PKM: variants seen among roughly 807,000 people sequenced by gnomAD.
PKM encodes pyruvate kinase PKM.
A neutral mutation model predicts 49.8 loss-of-function variants in PKM; 18 were observed. The ratio of observed to expected loss-of-function variants is 0.36; its 90% CI spans 0.25 to 0.54. The LOEUF is 0.54. Ranked by LOEUF, PKM falls within the 20% of genes least tolerant of loss-of-function variation. The pLI, the probability that PKM is intolerant of heterozygous loss-of-function variation, is 0.89. For synonymous variants in PKM, 239 were observed against 261.8 expected (o/e 0.91, Z 0.84); for missense variants, 508 against 713.8 (o/e 0.71, Z 3.28).
rs8192428 is a variant in PKM at position 72,200,686 on chromosome 15, A to G, written c.1308-31T>C. ...ATGGGATGGGGGACATACAGAAGAG[A>G]CCATTACACGAGGCCCCAGGAAGTA... On this transcript the variant is annotated intron_variant, in intron 9 of 10. Coordinates refer to ENST00000335181, the MANE Select transcript of PKM (RefSeq NM_002654.6). This position sits in a 1 kb window ranked among gnomAD's most constrained non-coding sequence, Gnocchi z 4.6. 8.8e-6 allele frequency: 14 copies of G among 1,590,088 alleles called. No individual in the cohort carries two copies. In the African/African-American group the frequency reaches 1.6e-4, roughly 18 times the overall value.
At chr15:72,208,430 A>G (rs2082140650) in intron 6 of PKM, among the ~76,000 whole-genome samples, 191 bp downstream of exon 6, 1 of 151,596 alleles carries the variant, frequency 6.6e-6, no homozygotes, top group Non-Finnish European at 1.5e-5. Flanking sequence ...TTTTTTAAAA[A>G]AAACAAAAAA....
In PKM at chr15:72,200,604, C is replaced by T. The variant is rs1471822533; in HGVS notation, c.1359G>A (p.Val453=). ...RYRPRAPIIA[V]TRNPQTARQA... is the part of the protein sequence containing the mutation. ...GACGAGCTGTCTGGGGATTCCGGGTCACAGCAATGATGGGGGCACGTGGGC... is the reference window on the plus strand; with the variant it reads ...GACGAGCTGTCTGGGGATTCCGGGTTACAGCAATGATGGGGGCACGTGGGC... Residue 453 remains valine (V), a synonymous_variant, in exon 10 of 11, where the codon GTG becomes GTA. Coordinates refer to ENST00000335181, the MANE Select transcript of PKM (RefSeq NM_002654.6). The surrounding 1 kb of genome is among the most constrained non-coding windows in gnomAD (Gnocchi z 4.6). 6.2e-7 allele frequency: 1 copy of T among 1,613,938 alleles called. No individual in the cohort carries two copies. The highest frequency in any genetic ancestry group is 8.5e-7 in the Non-Finnish European group (1 of 1,179,906).
At chr15:72,205,120 ATGTT>A (rs1466901104) in intron 8 of PKM, among the ~76,000 whole-genome samples, 2 of 143,978 alleles carry the variant, frequency 1.4e-5, no homozygotes, top group African/African-American at 5.4e-5. Context: ...TTTTTTTTTT[ATGTT>A]TGTTTGGTTT....
At chr15:72,216,602 G>A (rs144076158) in intron 3 of PKM, among the ~76,000 whole-genome samples, 51 of 152,278 alleles carry the variant, frequency 3.3e-4, no homozygotes, top group African/African-American at 1.1e-3. Context: ...CAGCCTGGAT[G>A]ACAGAGCAAA....
At chr15:72,215,990 C>T (rs574744656) in intron 3 of PKM, among the ~76,000 whole-genome samples, 121 of 152,230 alleles carry the variant, frequency 7.9e-4, no homozygotes, top group African/African-American at 2.8e-3. Flanking sequence ...TGGTCAGGTC[C>T]CCATGACATT....
chr15:72,221,032 AAAT>A, intron 1 of PKM: 1 of 677,290 alleles, frequency 1.5e-6, no homozygotes, highest in Non-Finnish European at 2.7e-6. Flanking sequence ...ATTGTGAACA[AAAT>A]AAGATCTGAA....
In PKM at chr15:72,208,669, T is replaced by A. The variant is rs2082148951; in HGVS notation, c.788A>T (p.Lys263Met). The A allele has an allele frequency of 6.2e-7, 1 of 1,614,152 alleles. No individual in the cohort carries two copies. The highest frequency in any genetic ancestry group is 8.5e-7 in the Non-Finnish European group (1 of 1,180,010). The part of the protein sequence containing the change: ...EVRKVLGEKG[K>M]NIKIISKIEN... ...GATTTTGCTGATAATCTTGATGTTC[T>A]TTCCCTTCTCTCCCAGGACCTTCCT... is the stretch of plus-strand genomic sequence containing the variant. The change falls in exon 6 of 11, where the codon AAG becomes ATG. Residue 263 changes from lysine to methionine, a missense_variant. Transcript: ENST00000335181.
chr15:72,223,226 A>G (rs1184163721), intron 1 of PKM, among the ~76,000 whole-genome samples: 1 of 152,056 alleles, frequency 6.6e-6, no homozygotes, highest in Non-Finnish European at 1.5e-5. Flanking sequence ...TTGTGCTGGG[A>G]AAGATTCACG....
chr15:72,227,744 C>CAAAAAAAAAAAA (rs34876633), intron 1 of PKM, among the ~76,000 whole-genome samples: 3 of 10,806 alleles, frequency 2.8e-4, no homozygotes, highest in African/African-American at 5.9e-4. Context: ...AAAACTATCT[C>CAAAAAAAAAAAA]AAAAAAAAAA....
intron 3 of PKM, among the ~76,000 whole-genome samples, chr15:72,214,437 G>C (rs2082327647): frequency 6.6e-6 from 1 of 152,202 alleles, no homozygotes; most frequent in Non-Finnish European, 1.5e-5. Flanking sequence ...TTATTGGGAT[G>C]TTATGTGGTA....
chr15:72,199,524 C>G lies in PKM; in HGVS notation c.*126G>C, dbSNP rs2081879636. ...GTTTCAGTGAGGCGTTGATCTTCTT[C>G]CCTGGTGTCCCAACCTACCAGTGCC... is the stretch of plus-strand genomic sequence containing the variant. On this transcript the variant is annotated 3_prime_UTR_variant, in exon 11 of 11. Transcript: ENST00000335181. 1.4e-6 allele frequency: 1 copy of G among 735,968 alleles called. No homozygotes were observed. Among genetic ancestry groups the G allele is most frequent in the Non-Finnish European group, 2.5e-6 (1 of 402,436 alleles). 45.6% of individuals were successfully genotyped at this position (735,968 alleles called of 1,614,324 possible).
chr15:72,225,601 T>G (rs1013793928), intron 1 of PKM, among the ~76,000 whole-genome samples: 1 of 152,230 alleles, frequency 6.6e-6, no homozygotes, highest in African/African-American at 2.4e-5. Context: ...GTTTTCTTAA[T>G]GCCCTAAGTG....
At chr15:72,218,446 G>C (rs1214779898) in intron 2 of PKM, among the ~76,000 whole-genome samples, 1 of 151,736 alleles carries the variant, frequency 6.6e-6, no homozygotes, top group Non-Finnish European at 1.5e-5. Context: ...TCTTAAGACA[G>C]GATCTCGCTC....
intron 1 of PKM, among the ~76,000 whole-genome samples, chr15:72,224,033 C>T (rs2082596512): frequency 6.6e-6 from 1 of 152,124 alleles, no homozygotes; most frequent in Non-Finnish European, 1.5e-5. Context: ...GGAAGAGCAG[C>T]TGATGCTAAA....
intron 6 of PKM, 131 bp from the exon 7 acceptor site, chr15:72,207,408 C>A: frequency 1.2e-6 from 1 of 824,348 alleles, no homozygotes; most frequent in Non-Finnish European, 2.1e-6. Context: ...ATGATATCAT[C>A]ATGGGTGCAC....
intron 1 of PKM, among the ~76,000 whole-genome samples, chr15:72,227,172 C>T (rs2082694270): frequency 6.6e-6 from 1 of 152,228 alleles, no homozygotes; most frequent in Non-Finnish European, 1.5e-5. Flanking sequence ...GGTTGTTTAG[C>T]TCTATTCCCA....
At chr15:72,220,398 C>T (rs151161267) in intron 1 of PKM, among the ~76,000 whole-genome samples, 40 of 152,192 alleles carry the variant, frequency 2.6e-4, no homozygotes, top group African/African-American at 9.2e-4. Context: ...CTGGGTGGCT[C>T]GAGTAGAGTA....
Position 72,206,847 on chromosome 15 carries a change from T to A in PKM, c.1021A>T (p.Thr341Ser), listed in dbSNP as rs749700037. The A allele has an allele frequency of 6.2e-7, 1 of 1,614,046 alleles. No homozygotes were observed. The change falls in exon 8 of 11, where the codon ACT becomes TCT. Residue 341 changes from threonine to serine, a missense_variant. By Grantham distance (58) the Thr-to-Ser change is moderately conservative. Transcript: ENST00000335181. The part of the protein sequence containing the change: ...LESMIKKPRP[T>S]RAEGSDVANA... ...GCCACATCACTGCCTTCAGCCCGAG[T>A]GGGGCGGGGCTTCTTGATCATGCTC...
intron 1 of PKM, among the ~76,000 whole-genome samples, chr15:72,219,972 T>C (rs2082479503): frequency 6.6e-6 from 1 of 152,218 alleles, no homozygotes; most frequent in Non-Finnish European, 1.5e-5. Context: ...GTCACAACCC[T>C]GACAATGGCC....
Sources: gnomAD v4.1 joint callset for allele counts (sites outside exome capture counted in the v4.1 genomes callset) on GRCh38, gnomAD v4.1.1 for gene constraint, Gnocchi (gnomAD v3.1) non-coding constraint, MANE v1.5 for transcripts, NCBI Gene and HGNC (gene_info 2026-07-23, HGNC 2026-07-21) for gene names.